The following ZNF438 variants were observed in gnomAD, a reference collection of about 807,000 sequenced individuals.
ZNF438 encodes zinc finger protein 438.
ZNF438 carries 25 observed loss-of-function variants against 38.0 expected under a neutral mutation model. The ratio of observed to expected loss-of-function variants is 0.66; its 90% CI spans 0.48 to 0.92. ZNF438 has a LOEUF of 0.92. Among genes scored for constraint, ZNF438 ranks in the 40% least tolerant of loss-of-function variants. The probability of loss-of-function intolerance (pLI) is 0.00; values close to 1 mark genes in which losing one functional copy is unlikely to be tolerated. For synonymous variants in ZNF438, 372 were observed against 364.1 expected, an observed-to-expected ratio of 1.02 and a Z score of -0.25; for missense variants, 1,007 against 999.6, an observed-to-expected ratio of 1.01 and a Z score of -0.10.
intron 1 of ZNF438, among the ~76,000 whole-genome samples, chr10:30,993,663 G>A (rs1490800174): frequency 2.0e-5 from 3 of 152,240 alleles, no homozygotes; most frequent in Admixed American, 6.5e-5. Context: ...AAGCAAGGCC[G>A]CAGCAGAGTC....
chr10:30,917,407 T>C (rs1380255514), intron 2 of ZNF438, among the ~76,000 whole-genome samples: 1 of 152,110 alleles, frequency 6.6e-6, no homozygotes, highest in African/African-American at 2.4e-5. Flanking sequence ...GGTAAGTGTA[T>C]TTAACTTCAT....
At chr10:30,931,051 A>G (rs759562750) in intron 2 of ZNF438, among the ~76,000 whole-genome samples, 18 of 152,142 alleles carry the variant, frequency 1.2e-4, no homozygotes, top group Admixed American at 2.0e-4. Context: ...AAAACATACC[A>G]AGGGTGGCCC....
chr10:31,017,310 C>T (rs1291592167), intron 1 of ZNF438, among the ~76,000 whole-genome samples: 7 of 152,166 alleles, frequency 4.6e-5, no homozygotes, highest in Non-Finnish European at 7.4e-5. Flanking sequence ...TTTTCTTTTC[C>T]ATTATCCTTT....
intron 4 of ZNF438, among the ~76,000 whole-genome samples, chr10:30,853,218 T>C (rs1025859547): frequency 2.0e-5 from 3 of 152,180 alleles, no homozygotes. Flanking sequence ...GCAGAAAATA[T>C]TTACCGCAAG....
At chr10:30,879,222 C>T (rs7897239) in intron 3 of ZNF438, among the ~76,000 whole-genome samples, 6,063 of 152,230 alleles carry the variant, frequency 0.04, 384 homozygotes, top group African/African-American at 0.14. Flanking sequence ...GGTAAAAAAA[C>T]TCATAATCCA....
chr10:30,880,798 A>G (rs2039140293), intron 3 of ZNF438, among the ~76,000 whole-genome samples: 1 of 152,220 alleles, frequency 6.6e-6, no homozygotes. Flanking sequence ...GTCATGACCA[A>G]GTAGAGATAT....
At chr10:30,945,377 G>T in intron 1 of ZNF438, among the ~76,000 whole-genome samples, 1 of 137,976 alleles carries the variant, frequency 7.2e-6, no homozygotes, top group African/African-American at 2.6e-5. Flanking sequence ...GTATCTCTTT[G>T]GATTCTTTTA....
At chr10:30,919,635 A>T (rs2044058012) in intron 2 of ZNF438, 1 of 151,836 alleles carries the variant, frequency 6.6e-6, no homozygotes, top group African/African-American at 2.4e-5. Context: ...TTATTTATTT[A>T]TTTAGAGACA....
intron 2 of ZNF438, among the ~76,000 whole-genome samples, chr10:30,929,711 C>G (rs2045405250): frequency 6.6e-6 from 1 of 152,198 alleles, no homozygotes; most frequent in African/African-American, 2.4e-5. Context: ...TCCATTTTGA[C>G]AGGGTGCTGA....
intron 2 of ZNF438, among the ~76,000 whole-genome samples, chr10:30,939,571 T>C (rs1055490756): frequency 2.0e-5 from 3 of 152,210 alleles, no homozygotes; most frequent in Non-Finnish European, 4.4e-5. Flanking sequence ...TAATCAACTG[T>C]GGGAAAGATC....
chr10:30,845,936 G>A (rs2031952252), intron 5 of ZNF438, among the ~76,000 whole-genome samples: 2 of 152,324 alleles, frequency 1.3e-5, no homozygotes, highest in Admixed American at 1.3e-4. Context: ...TCTGTTGAAG[G>A]TAACGGTCCC....
chr10:30,844,785 T>G, exon 6 of ZNF438: 1 of 793,480 alleles, frequency 1.3e-6, no homozygotes, highest in African/African-American at 1.7e-5. Context: ...AAAATATGCT[T>G]CGAGAGCTTA....
chr10:30,984,189 A>T (rs191928844), intron 1 of ZNF438, among the ~76,000 whole-genome samples, 180 bp downstream of exon 2: 3 of 152,300 alleles, frequency 2.0e-5, no homozygotes, highest in African/African-American at 7.2e-5. Flanking sequence ...TTTGTTAGCT[A>T]TTAGGGAAAT....
At chr10:30,931,295 A>G (rs1589257374) in intron 2 of ZNF438, among the ~76,000 whole-genome samples, 1 of 152,236 alleles carries the variant, frequency 6.6e-6, no homozygotes, top group Admixed American at 6.5e-5. Flanking sequence ...AAATGAGATC[A>G]TTTGAGTTTT....
intron 1 of ZNF438, among the ~76,000 whole-genome samples, chr10:30,954,761 T>C (rs1172151760): frequency 1.3e-5 from 2 of 152,116 alleles, no homozygotes; most frequent in Non-Finnish European, 2.9e-5. Flanking sequence ...CCCACAAAGT[T>C]TTAAAAAACA....
At chr10:30,845,722 T>A (rs1328891315) in intron 5 of ZNF438, 149 bp from the exon 7 acceptor site, 3 of 886,540 alleles carry the variant, frequency 3.4e-6, no homozygotes, top group Non-Finnish European at 5.0e-6. Flanking sequence ...TGGGAAGACC[T>A]TCTGCAAGGA....
rs566020073 is a variant in ZNF438, at chr10:30,903,571, C to T, written c.-32+5362G>A. Reference sequence around the variant, plus strand: ...ACTTACCTAAAAATGAGGACGCTCACATGACAGATGATCTCTACAGCACTG... The same window carrying T: ...ACTTACCTAAAAATGAGGACGCTCATATGACAGATGATCTCTACAGCACTG... On this transcript the variant is annotated intron_variant, in intron 3 of 5. Transcript: ENST00000413025. Among the ~76,000 whole-genome samples the T allele has an allele frequency of 6.6e-5, 10 of 152,358 alleles. No individual in the cohort carries two copies. In the South Asian group the frequency reaches 2.1e-3, roughly 32 times the overall value.
intron 3 of ZNF438, among the ~76,000 whole-genome samples, chr10:30,885,905 A>G (rs1243827304): frequency 6.6e-6 from 1 of 152,220 alleles, no homozygotes; most frequent in Non-Finnish European, 1.5e-5. Flanking sequence ...CCATCTTCAA[A>G]TATCTGAAGA....
chr10:30,948,422 G>C (rs1265356230), intron 1 of ZNF438, among the ~76,000 whole-genome samples: 1 of 152,188 alleles, frequency 6.6e-6, no homozygotes, highest in Admixed American at 6.5e-5. Flanking sequence ...CGAGCTGAGA[G>C]AAGAAGGCTT....
Sources: gnomAD v4.1 joint callset for allele counts (sites outside exome capture counted in the v4.1 genomes callset) on GRCh38, gnomAD v4.1.1 for gene constraint, MANE v1.5 for transcripts, NCBI Gene and HGNC (gene_info 2026-07-23, HGNC 2026-07-21) for gene names.